Variants in SEMA3C observed in about 807,000 individuals in gnomAD.
SEMA3C encodes semaphorin 3C, also known as semaphorin-3C.
Under a neutral mutation model 89.4 loss-of-function variants are expected in SEMA3C, and 47 were observed. That is an observed-to-expected ratio of 0.53 (90% confidence interval 0.42 to 0.67). The LOEUF (loss-of-function observed/expected upper bound fraction) is 0.67, where lower values mean the gene tolerates loss of function less well. SEMA3C is among the 30% of genes least tolerant of loss of function. SEMA3C has a pLI of 0.00. For synonymous variants in SEMA3C, 310 were observed against 320.2 expected (o/e 0.97, Z 0.34); for missense variants, 839 against 929.1 (o/e 0.90, Z 1.26).
chr7:80,913,071 A>T (rs1478940611), intron 2 of SEMA3C, among the ~76,000 whole-genome samples: 1 of 152,130 alleles, frequency 6.6e-6, no homozygotes, highest in African/African-American at 2.4e-5. Flanking sequence ...CTAAAAATTC[A>T]GCACACACAA....
At chr7:80,919,090 G>T (rs533715498), upstream of SEMA3C, 5 of 985,060 alleles carry the variant, frequency 5.1e-6, no homozygotes, top group African/African-American at 1.7e-5. Flanking sequence ...GAGCGCTCTT[G>T]GTGTCCGATT....
intron 2 of SEMA3C, among the ~76,000 whole-genome samples, chr7:80,855,159 C>T (rs1472148597): frequency 6.6e-6 from 1 of 152,056 alleles, no homozygotes; most frequent in East Asian, 1.9e-4. Flanking sequence ...AAGTTATTAT[C>T]CAAAATGGAA....
chr7:80,883,544 C>T (rs1054104405), intron 2 of SEMA3C, among the ~76,000 whole-genome samples: 1 of 152,190 alleles, frequency 6.6e-6, no homozygotes, highest in African/African-American at 2.4e-5. Flanking sequence ...TAAGATCAGG[C>T]CTCTTACTTC....
intron 2 of SEMA3C, among the ~76,000 whole-genome samples, chr7:80,869,764 T>C (rs1187116872): frequency 6.6e-6 from 1 of 152,114 alleles, no homozygotes; most frequent in African/African-American, 2.4e-5. Flanking sequence ...GTTTCTGGGG[T>C]TCAGACCTCA....
chr7:80,775,578 T>G (rs778444538), intron 12 of SEMA3C, among the ~76,000 whole-genome samples: 3 of 152,130 alleles, frequency 2.0e-5, no homozygotes, highest in African/African-American at 4.8e-5. Context: ...ATCTTAAGTT[T>G]GTTTTCTTTT....
rs57222644 is a variant in SEMA3C at position 80,823,691 on chromosome 7, A to G, written c.327+3734T>C. Among the ~76,000 whole-genome samples the G allele has an allele frequency of 1.5e-3, 234 of 152,208 alleles. 3 individuals are homozygous for G. Among genetic ancestry groups the G allele is most frequent in the African/African-American group, 5.4e-3 (225 of 41,524 alleles). ...GAAACTGATATTCTACAATTAATAA[A>G]TCAAGTTTGACACCATGTGCATGTA... On this transcript the variant is annotated intron_variant, in intron 4 of 17. Coordinates refer to ENST00000265361, the MANE Select transcript of SEMA3C (RefSeq NM_006379.5).
chr7:80,848,091 C>G (rs1488657409), intron 2 of SEMA3C, among the ~76,000 whole-genome samples: 2 of 152,114 alleles, frequency 1.3e-5, no homozygotes, highest in Non-Finnish European at 2.9e-5. Context: ...GAGTTAGTTA[C>G]GCAATTTCTG....
At chr7:80,872,236 C>T (rs753161486) in intron 2 of SEMA3C, among the ~76,000 whole-genome samples, 3 of 152,022 alleles carry the variant, frequency 2.0e-5, no homozygotes, top group Non-Finnish European at 2.9e-5. Flanking sequence ...CTGCAACCTC[C>T]GCCTCCCAGG....
At chr7:80,776,767 AT>A (rs1788558014) in intron 12 of SEMA3C, among the ~76,000 whole-genome samples, 1 of 152,148 alleles carries the variant, frequency 6.6e-6, no homozygotes, top group African/African-American at 2.4e-5. Flanking sequence ...GGGTACTCAA[AT>A]GTAGGTGATG....
intron 2 of SEMA3C, among the ~76,000 whole-genome samples, chr7:80,835,068 C>A (rs1235074329): frequency 6.6e-6 from 1 of 152,102 alleles, no homozygotes; most frequent in Non-Finnish European, 1.5e-5. Context: ...ATTCAGAATA[C>A]TACATTGTCT....
intron 2 of SEMA3C, among the ~76,000 whole-genome samples, chr7:80,829,241 T>C (rs1403864158): frequency 6.6e-6 from 1 of 152,158 alleles, no homozygotes; most frequent in African/African-American, 2.4e-5. Flanking sequence ...CTAAGTGCAA[T>C]GTTAAAGTTT....
chr7:80,800,779 A>G lies in SEMA3C; in HGVS notation c.964T>C (p.Tyr322His). ...ETDNPRTTLVYGIFTTSSSVF... is the reference protein window; with the variant it reads ...ETDNPRTTLVHGIFTTSSSVF... ...TACCTTGATGTTGTAAAAATGCCAT[A>G]CACTAGTGTTGTCCTCGGGTTATCA... is the stretch of plus-strand genomic sequence containing the variant. Residue 322 changes from tyrosine (Y) to histidine (H), a missense_variant, in exon 10 of 18, where the codon TAT (tyrosine) becomes CAT (histidine). Tyr to His is a moderately conservative substitution (Grantham distance 83). Coordinates refer to ENST00000265361, the MANE Select transcript of SEMA3C (RefSeq NM_006379.5). 6.5e-7 allele frequency: 1 copy of G among 1,529,852 alleles called. No individual in the cohort carries two copies. Among genetic ancestry groups the G allele is most frequent in the Non-Finnish European group, 8.8e-7 (1 of 1,141,054 alleles). 94.8% of individuals were successfully genotyped at this position (1,529,852 alleles called of 1,614,324 possible).
intron 2 of SEMA3C, among the ~76,000 whole-genome samples, chr7:80,849,054 C>A (rs984594834): frequency 2.2e-4 from 33 of 152,064 alleles, no homozygotes; most frequent in Non-Finnish European, 2.9e-5. Context: ...GATTTTACTG[C>A]CTTTTAATCC....
Position 80,789,502 on chromosome 7 carries a change from A to G in SEMA3C, c.1158T>C (p.Asn386=). The change falls in exon 12 of 18, where the codon AAT becomes AAC. Residue 386 remains asparagine, a synonymous_variant. Coordinates refer to ENST00000265361, the MANE Select transcript of SEMA3C (RefSeq NM_006379.5). ...CTGGGAACTCCTTGGTGGTTCGCAT[A>G]TTGGGTGTAAATGCTCCTCCTGGAC... ...GTCPGGAFTP[N]MRTTKEFPDD... 2 of 1,613,122 alleles carry G rather than the reference A, an allele frequency of 1.2e-6. No homozygotes were observed. Among genetic ancestry groups the G allele is most frequent in the Non-Finnish European group, 8.5e-7 (1 of 1,179,484 alleles).
intron 2 of SEMA3C, among the ~76,000 whole-genome samples, chr7:80,859,918 T>A (rs879617972): frequency 7.7e-4 from 112 of 146,000 alleles, no homozygotes; most frequent in Admixed American, 2.4e-3. Flanking sequence ...CTAGACACTA[T>A]TTTTTTTTTT....
intron 12 of SEMA3C, among the ~76,000 whole-genome samples, chr7:80,774,756 T>C (rs1344371928): frequency 6.6e-6 from 1 of 152,040 alleles, no homozygotes; most frequent in Non-Finnish European, 1.5e-5. Context: ...TATATGTGAC[T>C]AGAGTTTCAC....
At chr7:80,745,732 C>T (rs1164758159) in intron 17 of SEMA3C, among the ~76,000 whole-genome samples, 1 of 151,896 alleles carries the variant, frequency 6.6e-6, no homozygotes, top group Non-Finnish European at 1.5e-5. Flanking sequence ...AAAAAATACT[C>T]GCCAGTGAAA....
chr7:80,853,509 C>A (rs1377362169), intron 2 of SEMA3C, among the ~76,000 whole-genome samples: 1 of 152,098 alleles, frequency 6.6e-6, no homozygotes, highest in East Asian at 1.9e-4. Context: ...CTTAAATTAA[C>A]CAGGCACAGA....
intron 13 of SEMA3C, 80 bp from the exon 14 acceptor site, chr7:80,761,737 A>C: frequency 3.8e-6 from 3 of 779,410 alleles, no homozygotes; most frequent in Non-Finnish European, 6.1e-6. Flanking sequence ...TTTCTATTAA[A>C]TCTCAAGAAG....
Sources: allele counts gnomAD v4.1 joint callset (sites outside exome capture counted in the v4.1 genomes callset), GRCh38; gene constraint gnomAD v4.1.1; transcripts MANE v1.5; gene names NCBI Gene and HGNC (gene_info 2026-07-23, HGNC 2026-07-21).